GPHN: variants seen among roughly 807,000 people sequenced by gnomAD.
GPHN encodes gephyrin.
GPHN carries 17 observed loss-of-function variants against 95.5 expected under a neutral mutation model. That is an observed-to-expected ratio of 0.18 (90% confidence interval 0.12 to 0.27). The LOEUF is 0.27. Ranked by LOEUF, GPHN falls within the 10% of genes least tolerant of loss-of-function variation. The probability of loss-of-function intolerance (pLI) is 1.00; values close to 1 mark genes in which losing one functional copy is unlikely to be tolerated. For synonymous variants in GPHN, 320 were observed against 322.5 expected (o/e 0.99, Z 0.08); for missense variants, 660 against 978.1 (o/e 0.67, Z 4.34).
rs144263299 is a variant in GPHN, at chr14:67,181,114, A to G, written c.*177A>G. ...CTTTTAAAGAAAAAAACACCTAAAA[A>G]TAAATCTTAACAGAAAATTCTGTTC... On this transcript the variant is annotated 3_prime_UTR_variant, in exon 23 of 23. Coordinates refer to ENST00000478722, the MANE Select transcript of GPHN (RefSeq NM_020806.5). 2.2e-5 allele frequency: 15 copies of G among 683,010 alleles called. No individual in the cohort carries two copies. In the East Asian group the frequency reaches 3.8e-4, roughly 17 times the overall value. 42.3% of individuals were successfully genotyped at this position (683,010 alleles called of 1,614,324 possible).
At chr14:66,742,986 C>CT (rs33989074) in intron 2 of GPHN, among the ~76,000 whole-genome samples, 37,998 of 150,812 alleles carry the variant, frequency 0.25, 9,610 homozygotes, top group African/African-American at 0.62. Context: ...GGATGCATTT[C>CT]TTTTTTTTTA....
Position 66,884,222 on chromosome 14 carries a change from G to A in GPHN, c.389+4189G>A, listed in dbSNP as rs536038003. On this transcript the variant is annotated intron_variant, in intron 5 of 22. Coordinates refer to ENST00000478722, the MANE Select transcript of GPHN (RefSeq NM_020806.5). The stretch of plus-strand genomic sequence containing the variant: ...TTTGGGTGCTAACACTGTCATTATG[G>A]TATTGCAGCTCCACAATTAGGCCTA... Among the ~76,000 whole-genome samples, 16 of 152,126 alleles carry A rather than the reference G, an allele frequency of 1.1e-4. No individual in the cohort carries two copies. The South Asian group carries it at 3.3e-3, about 32-fold the overall frequency.
At chr14:67,316,112 A>C in the GPHN span, among the ~76,000 whole-genome samples, 2 of 152,224 alleles carry the variant, frequency 1.3e-5, no homozygotes, top group African/African-American at 4.8e-5. Flanking sequence ...TAAAATAAAA[A>C]AGTGGAACCT....
chr14:66,730,606 A>G (rs1595716963), intron 2 of GPHN, among the ~76,000 whole-genome samples: 1 of 152,318 alleles, frequency 6.6e-6, no homozygotes, highest in Non-Finnish European at 1.5e-5. Flanking sequence ...TAAAATAGTT[A>G]TACATCGTTT....
chr14:67,166,290 A>G (rs184198207), intron 20 of GPHN, among the ~76,000 whole-genome samples: 1 of 152,346 alleles, frequency 6.6e-6, no homozygotes. Flanking sequence ...GACCTTTCAT[A>G]ATTCCTTGGA....
chr14:67,150,370 G>A (rs1345519421), intron 18 of GPHN, among the ~76,000 whole-genome samples: 1 of 147,500 alleles, frequency 6.8e-6, no homozygotes, highest in Non-Finnish European at 1.5e-5. Context: ...GAACCCGGGA[G>A]GCGGAGCTTG....
chr14:67,197,467 C>A, the GPHN span: 3 of 152,162 alleles, frequency 2.0e-5, no homozygotes, highest in African/African-American at 7.2e-5. Flanking sequence ...ACTTACTTTA[C>A]TTTCCAAGAT....
At chr14:66,907,339 T>C (rs77552864) in intron 5 of GPHN, among the ~76,000 whole-genome samples, 3,704 of 152,290 alleles carry the variant, frequency 0.024, 72 homozygotes, top group Non-Finnish European at 0.038. Flanking sequence ...ATACATATTA[T>C]ATGGTTCTAA....
intron 17 of GPHN, among the ~76,000 whole-genome samples, chr14:67,130,208 C>T (rs914087665): frequency 2.0e-5 from 3 of 152,108 alleles, no homozygotes; most frequent in African/African-American, 7.2e-5. Context: ...CCAATGATCA[C>T]GTCACCCAGG....
At chr14:67,105,535 C>T (rs545668121) in intron 13 of GPHN, among the ~76,000 whole-genome samples, 2 of 152,154 alleles carry the variant, frequency 1.3e-5, no homozygotes, top group South Asian at 2.1e-4. Flanking sequence ...TATATGTTTG[C>T]GATTATTGTA....
the GPHN span, chr14:67,587,709 G>A: frequency 0.014 from 2,365 of 164,264 alleles, 64 homozygotes; most frequent in South Asian, 0.092. Context: ...CACCATGCCC[G>A]GCTAATTTTT....
At chr14:67,485,626 T>C in the GPHN span, among the ~76,000 whole-genome samples, 4 of 152,130 alleles carry the variant, frequency 2.6e-5, no homozygotes, top group African/African-American at 9.7e-5. Flanking sequence ...AGGCCTCTGA[T>C]CCCACCAGGC....
intron 5 of GPHN, among the ~76,000 whole-genome samples, chr14:66,912,539 G>A (rs1450537771): frequency 1.5e-4 from 23 of 152,164 alleles, no homozygotes; most frequent in Non-Finnish European, 7.4e-5. Context: ...CTAAGAATGA[G>A]TCAACTCGTA....
chr14:67,610,398 G>T, the GPHN span, among the ~76,000 whole-genome samples: 22 of 152,088 alleles, frequency 1.4e-4, no homozygotes, highest in African/African-American at 5.1e-4. Flanking sequence ...TTCGGAGATC[G>T]AAGCCACATT....
chr14:66,576,391 A>G (rs1045178936), intron 1 of GPHN, among the ~76,000 whole-genome samples: 1 of 151,920 alleles, frequency 6.6e-6, no homozygotes, highest in Non-Finnish European at 1.5e-5. Context: ...GCATAATGGA[A>G]GGAGAAAGGG....
intron 4 of GPHN, chr14:66,842,558 A>G (rs1165849841): frequency 4.5e-6 from 3 of 662,236 alleles, no homozygotes; most frequent in African/African-American, 3.7e-5. Context: ...ATTCTGAGGA[A>G]GGGAGAAGGT....
intron 1 of GPHN, among the ~76,000 whole-genome samples, chr14:66,595,090 C>G (rs959979090): frequency 6.6e-6 from 1 of 152,104 alleles, no homozygotes. Flanking sequence ...AATTATAACT[C>G]TAATGAGATA....
At chr14:67,010,253 G>A (rs1057502188) in intron 9 of GPHN, among the ~76,000 whole-genome samples, 1 of 151,362 alleles carries the variant, frequency 6.6e-6, no homozygotes, top group Non-Finnish European at 1.5e-5. Context: ...AGATAATATA[G>A]AGTAAATCAA....
At chr14:67,608,340 T>C in the GPHN span, among the ~76,000 whole-genome samples, 740 of 152,334 alleles carry the variant, frequency 4.9e-3, 36 homozygotes, top group East Asian at 0.082. Flanking sequence ...TATTTACATA[T>C]AATTTACATT....
Sources: allele counts gnomAD v4.1 joint callset (sites outside exome capture counted in the v4.1 genomes callset), GRCh38; gene constraint gnomAD v4.1.1; transcripts MANE v1.5; gene names NCBI Gene and HGNC (gene_info 2026-07-23, HGNC 2026-07-21).